IQSEC1: variants seen among roughly 807,000 people sequenced by gnomAD.
IQSEC1 encodes IQ motif and Sec7 domain ArfGEF 1.
Under a neutral mutation model 91.0 loss-of-function variants are expected in IQSEC1, and 31 were observed. The ratio of observed to expected loss-of-function variants is 0.34; its 90% CI spans 0.26 to 0.46. The LOEUF (loss-of-function observed/expected upper bound fraction) is 0.46, where lower values mean the gene tolerates loss of function less well. IQSEC1 is among the 20% of genes least tolerant of loss of function. IQSEC1 has a pLI of 1.00. For missense variants in IQSEC1, 1,388 were observed against 1,575.6 expected, an observed-to-expected ratio of 0.88 and a Z score of 2.02; for synonymous variants, 699 against 662.6, an observed-to-expected ratio of 1.05 and a Z score of -0.84.
intron 1 of IQSEC1, among the ~76,000 whole-genome samples, chr3:12,949,940 T>C (rs945610694): frequency 6.6e-6 from 1 of 152,124 alleles, no homozygotes; most frequent in African/African-American, 2.4e-5. Context: ...AGTTCAGCAA[T>C]TTAAGAAGGG....
At chr3:13,199,335 ATTG>A in intron 1 of IQSEC1, among the ~76,000 whole-genome samples, 1 of 152,196 alleles carries the variant, frequency 6.6e-6, no homozygotes, top group East Asian at 1.9e-4. Context: ...TCTGGCTCCA[ATTG>A]TTGTGACTGA....
intron 2 of IQSEC1, among the ~76,000 whole-genome samples, chr3:13,117,201 C>T (rs1706349024): frequency 6.9e-6 from 1 of 145,058 alleles, no homozygotes; most frequent in Non-Finnish European, 1.5e-5. Flanking sequence ...ACAAATGGCC[C>T]ATAGGCACAT....
At chr3:13,161,704 C>T (rs1008773315) in intron 2 of IQSEC1, among the ~76,000 whole-genome samples, 8 of 152,210 alleles carry the variant, frequency 5.3e-5, no homozygotes, top group African/African-American at 1.7e-4. Context: ...CTGTCTACTG[C>T]GATGTCCACA....
In IQSEC1 at chr3:12,897,414, C is replaced by G. The variant is rs1693753615; in HGVS notation, c.*3569G>C. 1 of 152,216 alleles carries G rather than the reference C, an allele frequency of 6.6e-6. No homozygotes were observed. Among genetic ancestry groups the G allele is most frequent in the Admixed American group, 6.5e-5 (1 of 15,284 alleles). The allele number at this position is 152,216 out of a possible 1,614,324, so 9.4% of individuals were successfully genotyped here. A position where few individuals can be genotyped will look rare whatever the true frequency, so the allele number is the denominator to read the frequency against. ...GAAGTCTCTGAACAGTCTGGGGATTCAGGACCTGATTCTAATTGCTTAAAA... is the reference window on the plus strand; with the variant it reads ...GAAGTCTCTGAACAGTCTGGGGATTGAGGACCTGATTCTAATTGCTTAAAA... On this transcript the variant is annotated 3_prime_UTR_variant, in exon 14 of 14. Transcript: ENST00000613206.
At chr3:13,021,719 T>C (rs1018510787) in intron 1 of IQSEC1, among the ~76,000 whole-genome samples, 3 of 152,246 alleles carry the variant, frequency 2.0e-5, no homozygotes, top group Admixed American at 2.0e-4. Context: ...GGCTCAGAGA[T>C]GCTGTGGGGC....
chr3:13,252,730 T>TTTTTTTTTTTTTTTG (rs60219953), intron 1 of IQSEC1, among the ~76,000 whole-genome samples: 1 of 150,844 alleles, frequency 6.6e-6, no homozygotes, highest in Admixed American at 6.6e-5. Flanking sequence ...TTTTTTTTGT[T>TTTTTTTTTTTTTTTG]TTTGTTTGTT....
intron 1 of IQSEC1, among the ~76,000 whole-genome samples, chr3:13,182,324 G>A (rs1217315084): frequency 6.6e-6 from 1 of 152,182 alleles, no homozygotes; most frequent in Non-Finnish European, 1.5e-5. Context: ...TCAATGGGTG[G>A]ACATGTAATT....
At chr3:13,210,200 T>C (rs1694418906) in intron 1 of IQSEC1, among the ~76,000 whole-genome samples, 1 of 152,158 alleles carries the variant, frequency 6.6e-6, no homozygotes, top group African/African-American at 2.4e-5. Context: ...ATGCCACTTA[T>C]GTGGCTTGGG....
chr3:13,198,350 C>T (rs544094055), intron 1 of IQSEC1, among the ~76,000 whole-genome samples: 203 of 152,088 alleles, frequency 1.3e-3, no homozygotes, highest in African/African-American at 4.7e-3. Context: ...TTGGGATGGC[C>T]GTGGGCTGTC....
intron 2 of IQSEC1, among the ~76,000 whole-genome samples, chr3:13,082,994 C>T (rs566540332): frequency 2.0e-5 from 3 of 152,300 alleles, no homozygotes; most frequent in East Asian, 3.9e-4. Context: ...TCTATTCCTG[C>T]CCCGCCAGCT....
rs180797002 is a variant in IQSEC1, at chr3:12,977,367, C to G, written c.24-35502G>C. On this transcript the variant is annotated intron_variant, in intron 1 of 13. Transcript: ENST00000613206. Reference sequence around the variant, plus strand: ...TGTCTCCAGGGAAAAAAAAAAAAAGCGCTATCCCGTTGGCAAAACGAATGG... The same window carrying G: ...TGTCTCCAGGGAAAAAAAAAAAAAGGGCTATCCCGTTGGCAAAACGAATGG... Among the ~76,000 whole-genome samples the G allele has an allele frequency of 5.7e-3, 849 of 147,916 alleles. 7 individuals are homozygous for G. The highest frequency in any genetic ancestry group is 0.02 in the African/African-American group (807 of 40,554).
chr3:13,240,103 G>C (rs76635779), intron 1 of IQSEC1, among the ~76,000 whole-genome samples: 1 of 152,172 alleles, frequency 6.6e-6, no homozygotes, highest in African/African-American at 2.4e-5. Flanking sequence ...GGCCGGCCGG[G>C]TGTGGTGGTT....
Position 12,967,634 on chromosome 3 carries a change from G to A in IQSEC1, c.24-25769C>T. 5.7e-6 allele frequency: 7 copies of A among 1,225,862 alleles called. No homozygotes were observed. The highest frequency in any genetic ancestry group is 6.1e-6 in the Non-Finnish European group (6 of 984,508). The allele number at this position is 1,225,862 out of a possible 1,614,324, so 75.9% of individuals were successfully genotyped here. On this transcript the variant is annotated intron_variant, in intron 1 of 13. Coordinates refer to ENST00000613206, the MANE Select transcript of IQSEC1 (RefSeq NM_001134382.3). This position sits in a 1 kb window ranked among gnomAD's most constrained non-coding sequence, Gnocchi z 5.9. ...GCGTCCGCCGGCTCCCGCGGCTCCG[G>A]CCCCAAGTCCGAGCCCCAGGCCAGC...
At chr3:13,198,180 A>G (rs1694170474) in intron 1 of IQSEC1, among the ~76,000 whole-genome samples, 2 of 152,168 alleles carry the variant, frequency 1.3e-5, no homozygotes, top group Admixed American at 1.3e-4. Flanking sequence ...GAGGACCCCT[A>G]TAATTTAGTC....
At chr3:12,956,737 C>T (rs762185499) in intron 1 of IQSEC1, among the ~76,000 whole-genome samples, 3 of 152,188 alleles carry the variant, frequency 2.0e-5, no homozygotes, top group Admixed American at 2.0e-4. Flanking sequence ...GCTCCAGAAG[C>T]GTCCCTGGGG....
chr3:12,950,009 G>T (rs1399736328), intron 1 of IQSEC1, among the ~76,000 whole-genome samples: 1 of 152,200 alleles, frequency 6.6e-6, no homozygotes, highest in Non-Finnish European at 1.5e-5. Context: ...AGTCTTTCTG[G>T]GCTGATGTGG....
chr3:13,248,510 C>T lies in IQSEC1; in HGVS notation c.272+34201G>A, dbSNP rs546841769. Among the ~76,000 whole-genome samples, 23 of 152,268 alleles carry T rather than the reference C, an allele frequency of 1.5e-4. No homozygotes were observed. The East Asian group carries it at 4.4e-3, about 29-fold the overall frequency. On this transcript the variant is annotated intron_variant, in intron 1 of 15. Coordinates refer to the IQSEC1 transcript ENST00000648114. ...TGGAATGCCAACCCCTTCCTTGGCT[C>T]TGGTCCTCTCCCCACTCCAAGGCCT... is the stretch of plus-strand genomic sequence containing the variant.
intron 2 of IQSEC1, among the ~76,000 whole-genome samples, chr3:13,089,669 G>A (rs1705803623): frequency 6.6e-6 from 1 of 152,198 alleles, no homozygotes; most frequent in African/African-American, 2.4e-5. Context: ...AGTTAAAGAA[G>A]CCAGACACAA....
chr3:13,146,380 G>A (rs528156284), intron 2 of IQSEC1, among the ~76,000 whole-genome samples: 27 of 152,254 alleles, frequency 1.8e-4, no homozygotes, highest in Non-Finnish European at 2.8e-4. Flanking sequence ...TCCTTTTCTG[G>A]TGCCTCCGCA....
Sources: gnomAD v4.1 joint callset for allele counts (sites outside exome capture counted in the v4.1 genomes callset) on GRCh38, gnomAD v4.1.1 for gene constraint, Gnocchi (gnomAD v3.1) non-coding constraint, MANE v1.5 for transcripts, NCBI Gene and HGNC (gene_info 2026-07-23, HGNC 2026-07-21) for gene names.